Variants in DNM2 observed in about 807,000 individuals in gnomAD.
DNM2 encodes the protein dynamin 2.
A neutral mutation model predicts 99.0 loss-of-function variants in DNM2; 15 were observed. The observed-to-expected ratio is 0.15, with a 90% CI of 0.10 to 0.23. DNM2 has a LOEUF of 0.23. Ranked by LOEUF, DNM2 falls within the 10% of genes least tolerant of loss-of-function variation. The pLI, the probability that DNM2 is intolerant of heterozygous loss-of-function variation, is 1.00. For synonymous variants in DNM2, 525 were observed against 481.2 expected (o/e 1.09, Z -1.19); for missense variants, 742 against 1,189.4 (o/e 0.62, Z 5.53).
intron 13 of DNM2, among the ~76,000 whole-genome samples, chr19:10,806,812 G>A (rs2072352851): frequency 6.6e-6 from 1 of 151,930 alleles, no homozygotes; most frequent in South Asian, 2.1e-4. Flanking sequence ...TAATAATAAA[G>A]ATATAAATAA....
chr19:10,757,802 A>G (rs891689036), intron 1 of DNM2, among the ~76,000 whole-genome samples: 1 of 151,978 alleles, frequency 6.6e-6, no homozygotes, highest in Non-Finnish European at 1.5e-5. Context: ...AAAATTAGCC[A>G]GGCATGGTAG....
chr19:10,723,470 G>C (rs1014957461), intron 1 of DNM2, among the ~76,000 whole-genome samples: 1 of 152,148 alleles, frequency 6.6e-6, no homozygotes, highest in African/African-American at 2.4e-5. Context: ...GTTTCGCCAT[G>C]TTGGCCAGGC....
At position 10,817,512 on chromosome 19, in the gene DNM2, T is replaced by A; in HGVS notation, c.1672-2468T>A. 1 of 454,504 alleles carries A rather than the reference T, an allele frequency of 2.2e-6. No homozygotes were observed. The highest frequency in any genetic ancestry group is 4.5e-6 in the Non-Finnish European group (1 of 220,568). The allele number at this position is 454,504 out of a possible 1,614,324, so 28.2% of individuals were successfully genotyped here. On this transcript the variant is annotated intron_variant, in intron 15 of 20. Transcript: ENST00000389253. This position sits in a 1 kb window ranked among gnomAD's most constrained non-coding sequence, Gnocchi z 4.6. ...CTGGGTTGGCGGGGCCGGCTATCCA[T>A]CCTGCAGAACCCCCCAGGCAGACGC... is the stretch of plus-strand genomic sequence containing the variant.
Position 10,830,071 on chromosome 19 carries a change from G to A in DNM2, c.2292-56G>A. ...CAGGTTCTGGCAGCCACAGTGGCAT[G>A]GCGGGGGCTCCTACTCCATCTGTAT... On this transcript the variant is annotated intron_variant, in intron 19 of 20. Coordinates refer to ENST00000389253, the MANE Select transcript of DNM2 (RefSeq NM_001005361.3). This position sits in a 1 kb window ranked among gnomAD's most constrained non-coding sequence, Gnocchi z 4.8. The A allele has an allele frequency of 6.2e-7, 1 of 1,613,130 alleles. No homozygotes were observed. The highest frequency in any genetic ancestry group is 8.5e-7 in the Non-Finnish European group (1 of 1,179,224).
chr19:10,764,991 G>A lies in DNM2; in HGVS notation c.235+5180G>A, dbSNP rs553135560. 2.5e-4 allele frequency among the ~76,000 whole-genome samples: 36 copies of A among 144,954 alleles called. 1 individual carries two copies. Among genetic ancestry groups the A allele is most frequent in the Admixed American group, 2.1e-3 (30 of 14,074 alleles). On this transcript the variant is annotated intron_variant, in intron 2 of 20. Transcript: ENST00000389253. The surrounding 1 kb of genome is among the most constrained non-coding windows in gnomAD (Gnocchi z 4.1). The stretch of plus-strand genomic sequence containing the variant: ...TTTTTTTTTTTTGAGATGGAGTCTC[G>A]CTGTCGCCCAGGCTGGAGTGCAGTG...
chr19:10,821,601 A>G (rs1246430546), intron 16 of DNM2, among the ~76,000 whole-genome samples: 1 of 151,988 alleles, frequency 6.6e-6, no homozygotes, highest in Non-Finnish European at 1.5e-5. Flanking sequence ...GTGCGATCTC[A>G]GCTCACCGCA....
In DNM2 at chr19:10,793,860, T is replaced by G. The variant is rs2071835923; in HGVS notation, c.1128+5T>G. The G allele has an allele frequency of 3.7e-6, 6 of 1,614,046 alleles. No homozygotes were observed. Among genetic ancestry groups the G allele is most frequent in the Non-Finnish European group, 5.1e-6 (6 of 1,180,030 alleles). ...TTCCCATTTGAGCTGGTGAAGGTAG[T>G]GCCCCCCGGGGCTGGGCCCTCCCGT... On this transcript the variant is annotated splice_donor_5th_base_variant and intron_variant, in intron 8 of 20. Transcript: ENST00000389253.
chr19:10,763,471 T>G (rs1363310475), intron 2 of DNM2: 1 of 152,498 alleles, frequency 6.6e-6, no homozygotes, highest in Non-Finnish European at 1.5e-5. Flanking sequence ...CCCAAAATGC[T>G]GGGATGACAG....
chr19:10,727,676 A>G (rs2069158547), intron 1 of DNM2, among the ~76,000 whole-genome samples: 1 of 152,048 alleles, frequency 6.6e-6, no homozygotes, highest in African/African-American at 2.4e-5. Flanking sequence ...GGCCTAGGTT[A>G]GATTTAGAGT....
chr19:10,831,320 C>CGAGAT lies in DNM2; in HGVS notation c.*273_*274insGAGAT. On this transcript the variant is annotated 3_prime_UTR_variant, in exon 21 of 21. Transcript: ENST00000389253. The surrounding 1 kb of genome is among the most constrained non-coding windows in gnomAD (Gnocchi z 4.3). ...AGGGTGGCAGAGGGGGGACCAGAACCCTTGACACCATCCTGAATGAGGGGT... is the reference window on the plus strand; with the variant it reads ...AGGGTGGCAGAGGGGGGACCAGAACCGAGATCTTGACACCATCCTGAATGAGGGGT... 2 of 1,242,706 alleles carry CGAGAT rather than the reference C, an allele frequency of 1.6e-6. No homozygotes were observed. The highest frequency in any genetic ancestry group is 1.0e-6 in the Non-Finnish European group (1 of 991,738). The allele number at this position is 1,242,706 out of a possible 1,614,324, so 77.0% of individuals were successfully genotyped here.
At chr19:10,744,794 GCACT>G (rs1316132527) in intron 1 of DNM2, among the ~76,000 whole-genome samples, 1 of 152,144 alleles carries the variant, frequency 6.6e-6, no homozygotes, top group African/African-American at 2.4e-5. Context: ...CCCACAGCTG[GCACT>G]CACCAGGCTG....
intron 6 of DNM2, among the ~76,000 whole-genome samples, chr19:10,784,639 C>T (rs1363750111): frequency 1.3e-5 from 2 of 152,074 alleles, no homozygotes; most frequent in Non-Finnish European, 2.9e-5. Context: ...CAGCGTAGCT[C>T]CCTGCCTTTC....
chr19:10,795,474 C>T lies in DNM2; in HGVS notation c.1196+35C>T. ...ACGAGGAGAGTCACCACTGTTCCTT[C>T]CTCTCCGTGGTGCGACCCCCCAGCT... On this transcript the variant is annotated intron_variant, in intron 9 of 20. Transcript: ENST00000389253. The surrounding 1 kb of genome is among the most constrained non-coding windows in gnomAD (Gnocchi z 4.2). 1 of 1,612,542 alleles carries T rather than the reference C, an allele frequency of 6.2e-7. No individual in the cohort carries two copies. Among genetic ancestry groups the T allele is most frequent in the Non-Finnish European group, 8.5e-7 (1 of 1,178,830 alleles).
In DNM2 at chr19:10,764,460, C is replaced by T. The variant is rs1196580477; in HGVS notation, c.235+4649C>T. Among the ~76,000 whole-genome samples the T allele has an allele frequency of 6.6e-6, 1 of 152,190 alleles. No homozygotes were observed. Among genetic ancestry groups the T allele is most frequent in the Non-Finnish European group, 1.5e-5 (1 of 68,042 alleles). ...TAAACATTACCTAAGACCATAACCA[C>T]CAGGAAGTTTGGTGGCCCATGAGTG... is the stretch of plus-strand genomic sequence containing the variant. On this transcript the variant is annotated intron_variant, in intron 2 of 20. Transcript: ENST00000389253. This position sits in a 1 kb window ranked among gnomAD's most constrained non-coding sequence, Gnocchi z 4.1.
At position 10,728,330 on chromosome 19, in the gene DNM2, C is replaced by T. The variant is rs529585621; in HGVS notation, c.161+9927C>T. On this transcript the variant is annotated intron_variant, in intron 1 of 20. Coordinates refer to ENST00000389253, the MANE Select transcript of DNM2 (RefSeq NM_001005361.3). ...AACTGAGGCCAGAGAGGGAGACTGGCCTGAAGTCACACAGGGAGGAGGACA... is the reference window on the plus strand; with the variant it reads ...AACTGAGGCCAGAGAGGGAGACTGGTCTGAAGTCACACAGGGAGGAGGACA... Among the ~76,000 whole-genome samples, 148 of 152,248 alleles carry T rather than the reference C, an allele frequency of 9.7e-4. 5 individuals carry two copies. The South Asian group carries it at 0.03, about 31-fold the overall frequency.
chr19:10,759,874 G>T (rs1007310954), intron 2 of DNM2, 63 bp downstream of exon 2: 170 of 1,605,120 alleles, frequency 1.1e-4, no homozygotes, highest in Middle Eastern at 6.6e-4. Context: ...GCCAGGAGTT[G>T]CTGGGGGCGG....
rs372564221 is a variant in DNM2, at chr19:10,818,949, C to T, written c.1672-1031C>T. 6.6e-6 allele frequency among the ~76,000 whole-genome samples: 1 copy of T among 152,300 alleles called. No individual in the cohort carries two copies. Among genetic ancestry groups the T allele is most frequent in the East Asian group, 1.9e-4 (1 of 5,174 alleles). ...GCATGGCATGGGTCCCCAAGAGCTG[C>T]TGCTGTGGCGGGTGGGCACACACAT... is the stretch of plus-strand genomic sequence containing the variant. On this transcript the variant is annotated intron_variant, in intron 15 of 20. Coordinates refer to ENST00000389253, the MANE Select transcript of DNM2 (RefSeq NM_001005361.3). The surrounding 1 kb of genome is among the most constrained non-coding windows in gnomAD (Gnocchi z 4.3).
intron 16 of DNM2, among the ~76,000 whole-genome samples, chr19:10,821,924 A>G (rs1316792091): frequency 6.6e-6 from 1 of 152,156 alleles, no homozygotes; most frequent in African/African-American, 2.4e-5. Context: ...GGAGAGGAGG[A>G]GCTACAAGGG....
intron 1 of DNM2, among the ~76,000 whole-genome samples, chr19:10,749,680 C>A (rs1462997723): frequency 1.3e-5 from 2 of 152,242 alleles, no homozygotes; most frequent in Non-Finnish European, 2.9e-5. Context: ...ATTCTTCTTA[C>A]CCATTCAACA....
Sources: allele counts gnomAD v4.1 joint callset (sites outside exome capture counted in the v4.1 genomes callset), GRCh38; gene constraint gnomAD v4.1.1; non-coding constraint Gnocchi (gnomAD v3.1); transcripts MANE v1.5; gene names NCBI Gene and HGNC (gene_info 2026-07-23, HGNC 2026-07-21).